CALN1: variants seen among roughly 807,000 people sequenced by gnomAD.
CALN1 encodes the protein calneuron 1, also known as calcium-binding protein 8.
A neutral mutation model predicts 30.6 loss-of-function variants in CALN1; 17 were observed. The ratio of observed to expected loss-of-function variants is 0.56; its 90% CI spans 0.38 to 0.83. The LOEUF (loss-of-function observed/expected upper bound fraction) is 0.83, where lower values mean the gene tolerates loss of function less well. CALN1 is among the 40% of genes least tolerant of loss of function. The pLI, the probability that CALN1 is intolerant of heterozygous loss-of-function variation, is 0.00. For missense variants in CALN1, 291 were observed against 354.9 expected, an observed-to-expected ratio of 0.82 and a Z score of 1.45; for synonymous variants, 156 against 131.4, an observed-to-expected ratio of 1.19 and a Z score of -1.28.
In CALN1 at chr7:72,359,854, G is replaced by A. The variant is rs930053670; in HGVS notation, c.119+43397C>T. 5.3e-5 allele frequency among the ~76,000 whole-genome samples: 8 copies of A among 151,572 alleles called. No homozygotes were observed. The East Asian group carries it at 7.8e-4, about 15-fold the overall frequency. On this transcript the variant is annotated intron_variant, in intron 2 of 6. Transcript: ENST00000395275. Reference sequence around the variant, plus strand: ...TAGCCGGACGTGGTGGCGGGCGCCTGTAGTCCCAGCTACTCAGGAGGCTGA... The same window carrying A: ...TAGCCGGACGTGGTGGCGGGCGCCTATAGTCCCAGCTACTCAGGAGGCTGA...
chr7:72,264,556 C>A (rs182701485), intron 3 of CALN1, among the ~76,000 whole-genome samples: 1 of 150,538 alleles, frequency 6.6e-6, no homozygotes, highest in African/African-American at 2.5e-5. Flanking sequence ...TGCAGTGGTG[C>A]GATCATAGCT....
chr7:72,050,334 C>G (rs765245816), intron 4 of CALN1, among the ~76,000 whole-genome samples: 1 of 152,034 alleles, frequency 6.6e-6, no homozygotes, highest in African/African-American at 2.4e-5. Context: ...ATTAACCATA[C>G]ACACAGAAAA....
At chr7:72,304,175 G>A (rs1247107090) in intron 2 of CALN1, among the ~76,000 whole-genome samples, 2 of 152,206 alleles carry the variant, frequency 1.3e-5, no homozygotes, top group East Asian at 1.9e-4. Context: ...AATAAAGAAA[G>A]ACTTAAGTTT....
intron 2 of CALN1, among the ~76,000 whole-genome samples, chr7:72,331,780 T>C (rs1801696658): frequency 6.6e-6 from 1 of 152,172 alleles, no homozygotes; most frequent in African/African-American, 2.4e-5. Context: ...GGTGGTTTTC[T>C]GCACAGACCA....
At position 71,922,442 on chromosome 7, in the gene CALN1, A is replaced by G. The variant is rs183725666; in HGVS notation, c.501+101215T>C. ...CCTTCATTTAAAGTGAGTATATATA[A>G]TTATATTTATTTATATTTACATATA... On this transcript the variant is annotated intron_variant, in intron 5 of 6. Coordinates refer to ENST00000395275, the MANE Select transcript of CALN1 (RefSeq NM_031468.4). 6.4e-3 allele frequency among the ~76,000 whole-genome samples: 926 copies of G among 144,266 alleles called. 14 individuals carry two copies. Among genetic ancestry groups the G allele is most frequent in the African/African-American group, 0.02 (821 of 40,236 alleles). 94.6% of individuals were successfully genotyped at this position (144,266 alleles called of 152,430 possible). A position where few individuals can be genotyped will look rare whatever the true frequency, so the allele number is the denominator to read the frequency against.
chr7:72,116,656 A>G (rs1388889748), intron 3 of CALN1, among the ~76,000 whole-genome samples: 5 of 152,128 alleles, frequency 3.3e-5, no homozygotes, highest in African/African-American at 4.8e-5. Flanking sequence ...ATTAATCTGG[A>G]ACTAGTCACT....
At chr7:71,897,966 A>C (rs1310013270) in intron 5 of CALN1, among the ~76,000 whole-genome samples, 1 of 97,760 alleles carries the variant, frequency 1.0e-5, no homozygotes, top group African/African-American at 5.3e-5. Flanking sequence ...GGAAAAAAAC[A>C]AAAAACAAAA....
intron 5 of CALN1, among the ~76,000 whole-genome samples, chr7:71,990,675 A>G (rs186778447): frequency 1.9e-3 from 295 of 151,790 alleles, no homozygotes; most frequent in African/African-American, 6.6e-3. Context: ...CTGGTCTCAA[A>G]CTCCTGACCT....
rs534708083 is a variant in CALN1 at position 72,382,694 on chromosome 7, TATAC to T, written c.119+20553_119+20556del. Among the ~76,000 whole-genome samples, 214 of 152,294 alleles carry T rather than the reference TATAC, an allele frequency of 1.4e-3. 1 individual carries two copies. Among genetic ancestry groups the T allele is most frequent in the African/African-American group, 4.8e-3 (201 of 41,564 alleles). ...ATGTACCCAATGTTTAGCTCCCACT[TATAC>T]ATGAGAACATGCAGTATTTGGATTT... is the stretch of plus-strand genomic sequence containing the variant. On this transcript the variant is annotated intron_variant, in intron 2 of 6. Transcript: ENST00000395275.
intron 1 of CALN1, among the ~76,000 whole-genome samples, chr7:72,407,557 TG>T (rs1806788292): frequency 6.6e-6 from 1 of 152,226 alleles, no homozygotes; most frequent in African/African-American, 2.4e-5. Context: ...TCTGGCCATG[TG>T]AAGACATGCC....
upstream of CALN1, among the ~76,000 whole-genome samples, chr7:72,414,103 G>C (rs981915348): frequency 6.6e-6 from 1 of 152,034 alleles, no homozygotes; most frequent in Non-Finnish European, 1.5e-5. Context: ...CGCCAAGCAG[G>C]AGCAGTGAGG....
chr7:71,795,946 G>A (rs1206144934), intron 6 of CALN1, among the ~76,000 whole-genome samples: 2 of 150,742 alleles, frequency 1.3e-5, no homozygotes, highest in East Asian at 2.0e-4. Flanking sequence ...AGCCTCCCGA[G>A]TAGCTGGGAC....
chr7:72,352,993 A>G (rs1445314949), intron 2 of CALN1, among the ~76,000 whole-genome samples: 1 of 152,170 alleles, frequency 6.6e-6, no homozygotes, highest in African/African-American at 2.4e-5. Context: ...ATTTAAACAA[A>G]AGAGAAAAAT....
intron 2 of CALN1, among the ~76,000 whole-genome samples, chr7:72,301,522 C>A (rs1231605736): frequency 6.7e-6 from 1 of 150,246 alleles, no homozygotes; most frequent in Admixed American, 6.7e-5. Context: ...AGAGGAGAAT[C>A]GCTGTAACCC....
intron 1 of CALN1, among the ~76,000 whole-genome samples, chr7:72,411,186 C>A (rs377725143): frequency 1.2e-4 from 18 of 152,148 alleles, no homozygotes; most frequent in African/African-American, 4.1e-4. Context: ...AAAAGCAAAG[C>A]AATTCCTTAA....
intron 5 of CALN1, among the ~76,000 whole-genome samples, chr7:71,866,387 T>C (rs570419946): frequency 1.3e-5 from 2 of 152,200 alleles, no homozygotes; most frequent in African/African-American, 4.8e-5. Context: ...TATGCTATAT[T>C]ATGTATATTA....
At chr7:72,471,523 A>G in the CALN1 span, among the ~76,000 whole-genome samples, 1 of 152,214 alleles carries the variant, frequency 6.6e-6, no homozygotes, top group Admixed American at 6.5e-5. Flanking sequence ...TCTCTGCACC[A>G]CCCTCACCAA....
At chr7:72,274,870 T>C (rs761879746) in intron 3 of CALN1, among the ~76,000 whole-genome samples, 21 of 152,252 alleles carry the variant, frequency 1.4e-4, no homozygotes, top group Non-Finnish European at 2.6e-4. Context: ...TCTGATCATT[T>C]TGAAGCAGCT....
intron 6 of CALN1, among the ~76,000 whole-genome samples, chr7:71,798,085 GAGACAGAGAGAGAGACAGAGAGAGAC>G: frequency 1.7e-5 from 2 of 119,136 alleles, no homozygotes; most frequent in East Asian, 3.6e-4. Flanking sequence ...GAGACAGAGA[GAGACAGAGAGAGAGACAGAGAGAGAC>G]AGAGACAGAG....
Sources: allele counts gnomAD v4.1 joint callset (sites outside exome capture counted in the v4.1 genomes callset), GRCh38; gene constraint gnomAD v4.1.1; transcripts MANE v1.5; gene names NCBI Gene and HGNC (gene_info 2026-07-23, HGNC 2026-07-21).